EFNA5: variants seen among roughly 807,000 people sequenced by gnomAD.
EFNA5 encodes ephrin-A5.
In EFNA5, 5 loss-of-function variants were observed where a neutral mutation model predicts 22.9. The ratio of observed to expected loss-of-function variants is 0.22; its 90% CI spans 0.11 to 0.46. EFNA5 has a LOEUF of 0.46. Ranked by LOEUF, EFNA5 falls within the 20% of genes least tolerant of loss-of-function variation. The pLI is 0.99. For missense variants in EFNA5, 237 were observed against 293.3 expected, an observed-to-expected ratio of 0.81 and a Z score of 1.40; for synonymous variants, 113 against 112.2, an observed-to-expected ratio of 1.01 and a Z score of -0.04.
chr5:107,480,961 G>A (rs1750443164), intron 1 of EFNA5, among the ~76,000 whole-genome samples: 3 of 152,194 alleles, frequency 2.0e-5, no homozygotes, highest in Non-Finnish European at 2.9e-5. Flanking sequence ...GTAGACAAGA[G>A]AAATAGATGT....
intron 1 of EFNA5, among the ~76,000 whole-genome samples, chr5:107,600,824 T>C (rs969633782): frequency 2.6e-5 from 4 of 152,162 alleles, no homozygotes; most frequent in Admixed American, 6.5e-5. Flanking sequence ...TTCTGAAGTA[T>C]GTTTAATCTG....
At chr5:107,531,589 T>C (rs1271409017) in intron 1 of EFNA5, among the ~76,000 whole-genome samples, 2 of 152,172 alleles carry the variant, frequency 1.3e-5, no homozygotes, top group Admixed American at 1.3e-4. Flanking sequence ...GAATTAGCCC[T>C]TGACTACTGG....
intron 1 of EFNA5, among the ~76,000 whole-genome samples, chr5:107,529,086 A>C (rs1747757496): frequency 6.6e-6 from 1 of 152,196 alleles, no homozygotes; most frequent in East Asian, 1.9e-4. Flanking sequence ...AACACTATTT[A>C]GGGTATACAT....
At chr5:107,642,950 A>T (rs944237299) in intron 1 of EFNA5, among the ~76,000 whole-genome samples, 79 of 146,380 alleles carry the variant, frequency 5.4e-4, no homozygotes, top group African/African-American at 1.8e-3. Flanking sequence ...AAAAAAAAAA[A>T]CTAATCTAGA....
At chr5:107,610,391 A>G (rs948912475) in intron 1 of EFNA5, among the ~76,000 whole-genome samples, 10 of 152,230 alleles carry the variant, frequency 6.6e-5, no homozygotes, top group Admixed American at 1.3e-4. Flanking sequence ...CCTGGCAGAC[A>G]TTTTGAAAAG....
At chr5:107,426,002 A>G (rs1265603868) in intron 2 of EFNA5, among the ~76,000 whole-genome samples, 1 of 152,140 alleles carries the variant, frequency 6.6e-6, no homozygotes, top group Non-Finnish European at 1.5e-5. Flanking sequence ...GATTCTTCCA[A>G]GCAGGTGAGG....
chr5:107,520,288 G>T (rs897220436), intron 1 of EFNA5, among the ~76,000 whole-genome samples: 1 of 152,240 alleles, frequency 6.6e-6, no homozygotes, highest in South Asian at 2.1e-4. Flanking sequence ...TAAAGGCAGT[G>T]AATCAATAAG....
In EFNA5 at chr5:107,427,305, T is replaced by A. The variant is rs1390954414; in HGVS notation, c.330A>T (p.Gly110=). ...GGAATTTTTCAGAGAACTTCAGCGG[T>A]CCATTTGGAGAGTGAGGCCGGTTAC... The part of the protein sequence containing the change: ...WECNRPHSPN[G]PLKFSEKFQL... The change falls in exon 2 of 5, where the codon GGA becomes GGT. Residue 110 remains glycine (G), a synonymous_variant. Transcript: ENST00000333274. The A allele has an allele frequency of 2.5e-6, 4 of 1,614,102 alleles. No individual in the cohort carries two copies.
intron 1 of EFNA5, among the ~76,000 whole-genome samples, chr5:107,651,478 A>G (rs1325817860): frequency 2.0e-5 from 3 of 152,058 alleles, no homozygotes; most frequent in Admixed American, 6.6e-5. Flanking sequence ...CTAACTAGGA[A>G]GGTTTTGAAA....
chr5:107,639,248 G>A (rs1026457441), intron 1 of EFNA5, among the ~76,000 whole-genome samples: 2 of 152,188 alleles, frequency 1.3e-5, no homozygotes, highest in Non-Finnish European at 2.9e-5. Flanking sequence ...AGTCAGAGGA[G>A]CAGCAGTGAA....
intron 1 of EFNA5, among the ~76,000 whole-genome samples, chr5:107,667,670 T>A (rs974455389): frequency 2.0e-5 from 3 of 152,150 alleles, no homozygotes; most frequent in African/African-American, 7.2e-5. Context: ...ACATATTATA[T>A]TCTGAGGGAA....
intron 1 of EFNA5, among the ~76,000 whole-genome samples, chr5:107,448,866 T>TAAATAAAATAAAATA (rs74535160): frequency 0.013 from 1,780 of 141,300 alleles, 30 homozygotes; most frequent in African/African-American, 0.034. Flanking sequence ...AATAAATAAA[T>TAAATAAAATAAAATA]AAATAAAATA....
At chr5:107,452,108 AG>A (rs1749574927) in intron 1 of EFNA5, among the ~76,000 whole-genome samples, 1 of 152,152 alleles carries the variant, frequency 6.6e-6, no homozygotes, top group Non-Finnish European at 1.5e-5. Context: ...AAACTAACAC[AG>A]GAACAGAAAA....
At chr5:107,547,699 C>A (rs1395292351) in intron 1 of EFNA5, among the ~76,000 whole-genome samples, 1 of 93,992 alleles carries the variant, frequency 1.1e-5, no homozygotes, top group Non-Finnish European at 2.2e-5. Context: ...TATTTTTAAC[C>A]ATAAAAAAAA....
intron 1 of EFNA5, among the ~76,000 whole-genome samples, chr5:107,608,205 C>T (rs930748279): frequency 1.3e-5 from 2 of 152,124 alleles, no homozygotes; most frequent in South Asian, 2.1e-4. Context: ...TGACAGATGC[C>T]GGCCTCTAGG....
intron 1 of EFNA5, among the ~76,000 whole-genome samples, chr5:107,648,698 AT>A (rs1750673631): frequency 6.6e-6 from 1 of 152,152 alleles, no homozygotes; most frequent in Admixed American, 6.6e-5. Flanking sequence ...GGGTAGTTGA[AT>A]ATATGTCACA....
chr5:107,531,989 T>C (rs1747820165), intron 1 of EFNA5, among the ~76,000 whole-genome samples: 1 of 152,222 alleles, frequency 6.6e-6, no homozygotes, highest in Non-Finnish European at 1.5e-5. Context: ...GGGTGATGCC[T>C]GCCTTTCTGA....
At chr5:107,585,059 T>G (rs1268120561) in intron 1 of EFNA5, among the ~76,000 whole-genome samples, 1 of 152,082 alleles carries the variant, frequency 6.6e-6, no homozygotes, top group Non-Finnish European at 1.5e-5. Context: ...GGATCATGAT[T>G]ACAGATGGGC....
At chr5:107,428,845 G>A (rs1324306508) in intron 1 of EFNA5, among the ~76,000 whole-genome samples, 1 of 152,176 alleles carries the variant, frequency 6.6e-6, no homozygotes, top group African/African-American at 2.4e-5. Context: ...TTTCTACCCA[G>A]TGATCCTACT....
Sources: gnomAD v4.1 joint callset for allele counts (sites outside exome capture counted in the v4.1 genomes callset) on GRCh38, gnomAD v4.1.1 for gene constraint, MANE v1.5 for transcripts, NCBI Gene and HGNC (gene_info 2026-07-23, HGNC 2026-07-21) for gene names.